Variants in WASF3 observed in about 807,000 individuals in gnomAD.
WASF3 encodes WASP family member 3, also known as actin-binding protein WASF3.
WASF3 carries 11 observed loss-of-function variants against 46.6 expected under a neutral mutation model. The observed-to-expected ratio is 0.24, with a 90% CI of 0.15 to 0.39. The LOEUF is 0.39. Ranked by LOEUF, WASF3 falls within the 10% of genes least tolerant of loss-of-function variation. The pLI, the probability that WASF3 is intolerant of heterozygous loss-of-function variation, is 1.00. For synonymous variants in WASF3, 242 were observed against 259.7 expected (o/e 0.93, Z 0.65); for missense variants, 576 against 669.8 (o/e 0.86, Z 1.55).
rs948622305 is a variant in WASF3 at position 26,686,847 on chromosome 13, G to C, written c.*1002G>C. On this transcript the variant is annotated 3_prime_UTR_variant, in exon 10 of 10. Coordinates refer to ENST00000335327, the MANE Select transcript of WASF3 (RefSeq NM_006646.6). ...CTTTAGATGGCACCTTTCACCACTT[G>C]GTCAGAATTTTAAAAGCTTAGGTTT... 2 of 152,222 alleles carry C rather than the reference G, an allele frequency of 1.3e-5. No homozygotes were observed. The highest frequency in any genetic ancestry group is 2.9e-5 in the Non-Finnish European group (2 of 68,048). 9.4% of individuals were successfully genotyped at this position (152,222 alleles called of 1,614,324 possible). A position where few individuals can be genotyped will look rare whatever the true frequency, so the allele number is the denominator to read the frequency against.
chr13:26,580,904 C>T (rs1475443802), intron 1 of WASF3, among the ~76,000 whole-genome samples: 2 of 149,874 alleles, frequency 1.3e-5, no homozygotes, highest in Admixed American at 6.7e-5. Flanking sequence ...GGATTACAGG[C>T]GTGAGCCACT....
chr13:26,647,477 A>C (rs919515659), intron 3 of WASF3, among the ~76,000 whole-genome samples: 1 of 152,148 alleles, frequency 6.6e-6, no homozygotes, highest in Non-Finnish European at 1.5e-5. Flanking sequence ...TCCTTGATTA[A>C]TAATCTGAAT....
chr13:26,650,077 C>T (rs925637467), intron 3 of WASF3, among the ~76,000 whole-genome samples: 2 of 151,936 alleles, frequency 1.3e-5, no homozygotes, highest in Non-Finnish European at 2.9e-5. Flanking sequence ...AGAAAAAAAG[C>T]GCCCAAAACA....
chr13:26,592,337 T>G (rs1880328653), intron 1 of WASF3, among the ~76,000 whole-genome samples: 1 of 152,192 alleles, frequency 6.6e-6, no homozygotes, highest in Non-Finnish European at 1.5e-5. Flanking sequence ...AATTTTATGG[T>G]AATTTTACCT....
At chr13:26,589,794 A>G (rs1200712275) in intron 1 of WASF3, among the ~76,000 whole-genome samples, 4 of 152,092 alleles carry the variant, frequency 2.6e-5, no homozygotes, top group African/African-American at 9.7e-5. Flanking sequence ...CATGCTTTGG[A>G]TTGTTTTGAA....
chr13:26,588,567 A>C (rs1238328081), intron 1 of WASF3, among the ~76,000 whole-genome samples: 1 of 152,206 alleles, frequency 6.6e-6, no homozygotes, highest in African/African-American at 2.4e-5. Flanking sequence ...TTATCATCAC[A>C]GATTACATTT....
chr13:26,587,567 A>G (rs1880168502), intron 1 of WASF3, among the ~76,000 whole-genome samples: 1 of 152,212 alleles, frequency 6.6e-6, no homozygotes, highest in South Asian at 2.1e-4. Flanking sequence ...AGTGCTTTGA[A>G]AGCTTAAATT....
chr13:26,652,660 A>G (rs1882347508), intron 3 of WASF3, among the ~76,000 whole-genome samples: 1 of 152,182 alleles, frequency 6.6e-6, no homozygotes, highest in South Asian at 2.1e-4. Context: ...AGTGATGATA[A>G]TGAGATAATT....
chr13:26,545,489 G>A, the WASF3 span, among the ~76,000 whole-genome samples: 39 of 150,982 alleles, frequency 2.6e-4, no homozygotes, highest in Admixed American at 3.3e-4. Context: ...TTAATTCCTC[G>A]TTCTCTGTAT....
At chr13:26,669,335 C>CCAAGTAGTTGGGATTACAGGCA (rs1566069521) in intron 5 of WASF3, among the ~76,000 whole-genome samples, 3 of 126,834 alleles carry the variant, frequency 2.4e-5, no homozygotes. Flanking sequence ...CCTCAGCCTC[C>CCAAGTAGTTGGGATTACAGGCA]TGATATCTTT....
chr13:26,675,552 G>A (rs116003881), intron 6 of WASF3, among the ~76,000 whole-genome samples: 1,962 of 150,452 alleles, frequency 0.013, 51 homozygotes, highest in African/African-American at 0.046. Flanking sequence ...AAATATATTT[G>A]TGAAAATAAA....
At chr13:26,632,724 T>C (rs1201701642) in intron 2 of WASF3, among the ~76,000 whole-genome samples, 1 of 152,210 alleles carries the variant, frequency 6.6e-6, no homozygotes, top group Non-Finnish European at 1.5e-5. Flanking sequence ...TTTCTGTCGA[T>C]TGGAATCGTT....
upstream of WASF3, among the ~76,000 whole-genome samples, chr13:26,554,096 C>CTTCTTCTTTCTTTCT (rs1879039302): frequency 1.4e-4 from 1 of 7,372 alleles, no homozygotes; most frequent in East Asian, 5.6e-3. Flanking sequence ...TCCTTCCTTC[C>CTTCTTCTTTCTTTCT]TTCTTTCTTT....
At chr13:26,572,080 A>G (rs1458879312) in intron 1 of WASF3, among the ~76,000 whole-genome samples, 1 of 152,100 alleles carries the variant, frequency 6.6e-6, no homozygotes, top group African/African-American at 2.4e-5. Context: ...GTTTGAGTTA[A>G]TTTTGTCATT....
chr13:26,567,017 A>G (rs1191122668), intron 1 of WASF3, among the ~76,000 whole-genome samples: 1 of 152,224 alleles, frequency 6.6e-6, no homozygotes, highest in East Asian at 1.9e-4. Flanking sequence ...TTACATTGAA[A>G]GGTGTAGTAG....
rs78149705 is a variant in WASF3 at position 26,672,179 on chromosome 13, T to C, written c.540+190T>C. ...ATACTATCTTCAATAAATACTGATA[T>C]GTTCTCCAGCACTTGCTTTGCTTTA... On this transcript the variant is annotated intron_variant, in intron 6 of 9. Coordinates refer to ENST00000335327, the MANE Select transcript of WASF3 (RefSeq NM_006646.6). 4.5e-3 allele frequency among the ~76,000 whole-genome samples: 678 copies of C among 152,358 alleles called. 4 individuals carry two copies. The highest frequency in any genetic ancestry group is 7.1e-3 in the Non-Finnish European group (486 of 68,022).
At chr13:26,574,797 A>G (rs1879743180) in intron 1 of WASF3, among the ~76,000 whole-genome samples, 1 of 150,992 alleles carries the variant, frequency 6.6e-6, no homozygotes, top group Admixed American at 6.6e-5. Flanking sequence ...TTTTCTTCTA[A>G]TAGTACCATT....
At chr13:26,546,984 C>T in the WASF3 span, among the ~76,000 whole-genome samples, 2 of 152,134 alleles carry the variant, frequency 1.3e-5, no homozygotes, top group Non-Finnish European at 2.9e-5. Flanking sequence ...CTGAAGCCTC[C>T]TATCTGCAAA....
Position 26,649,324 on chromosome 13 carries a change from ACAGT to A in WASF3, c.133+6926_133+6929del, listed in dbSNP as rs753539894. 7.9e-4 allele frequency among the ~76,000 whole-genome samples: 120 copies of A among 152,356 alleles called. 1 individual carries two copies. Among genetic ancestry groups the A allele is most frequent in the Non-Finnish European group, 5.4e-4 (37 of 68,034 alleles). On this transcript the variant is annotated intron_variant, in intron 3 of 9. Coordinates refer to ENST00000335327, the MANE Select transcript of WASF3 (RefSeq NM_006646.6). ...GACCTGTGATCAAGAGAAACAGAAGACAGTCAGTAGAAGCAAGACCCACAGATGA... is the reference window on the plus strand; with the variant it reads ...GACCTGTGATCAAGAGAAACAGAAGACAGTAGAAGCAAGACCCACAGATGA...
Sources: gnomAD v4.1 joint callset for allele counts (sites outside exome capture counted in the v4.1 genomes callset) on GRCh38, gnomAD v4.1.1 for gene constraint, MANE v1.5 for transcripts, NCBI Gene and HGNC (gene_info 2026-07-23, HGNC 2026-07-21) for gene names.